The following TNRC6A variants were observed in gnomAD, a reference collection of about 807,000 sequenced individuals.
TNRC6A encodes trinucleotide repeat-containing gene 6A protein.
TNRC6A carries 44 observed loss-of-function variants against 221.2 expected under a neutral mutation model. The observed-to-expected ratio is 0.20, with a 90% CI of 0.16 to 0.26. The LOEUF is 0.26. TNRC6A is among the 10% of genes least tolerant of loss of function. The probability of loss-of-function intolerance (pLI) is 1.00; values close to 1 mark genes in which losing one functional copy is unlikely to be tolerated. For missense variants in TNRC6A, 2,199 were observed against 2,404.4 expected (o/e 0.91, Z 1.79); for synonymous variants, 847 against 838.5 (o/e 1.01, Z -0.18).
chr16:24,645,532 C>T (rs762376402), intron 2 of TNRC6A, among the ~76,000 whole-genome samples: 18 of 151,148 alleles, frequency 1.2e-4, no homozygotes, highest in African/African-American at 3.6e-4. Context: ...TACTTCTGTC[C>T]GAGTTATAGC....
At chr16:24,789,126 A>T in intron 5 of TNRC6A, 106 bp from the exon 6 acceptor site, 4 of 1,134,510 alleles carry the variant, frequency 3.5e-6, no homozygotes, top group Non-Finnish European at 4.9e-6. Flanking sequence ...TGTTAAATTG[A>T]GGAGCCACAT....
chr16:24,797,658 A>G (rs2058247346), intron 10 of TNRC6A, 88 bp downstream of exon 10: 1 of 1,173,294 alleles, frequency 8.5e-7, no homozygotes, highest in South Asian at 1.6e-5. Flanking sequence ...ATTATTTTTC[A>G]TCTTCGAGTC....
intron 9 of TNRC6A, chr16:24,796,245 C>T: frequency 3.1e-6 from 1 of 321,628 alleles, no homozygotes; most frequent in Non-Finnish European, 5.7e-6. Context: ...AGATCTGGCT[C>T]TGTAGTTGAG....
intron 1 of TNRC6A, among the ~76,000 whole-genome samples, chr16:24,621,280 C>G (rs2141598521): frequency 6.7e-6 from 1 of 149,600 alleles, no homozygotes; most frequent in African/African-American, 2.5e-5. Context: ...TTCAAGGGTG[C>G]AGATGGTTCA....
At chr16:24,783,929 G>A (rs1367592960) in intron 5 of TNRC6A, among the ~76,000 whole-genome samples, 1 of 152,154 alleles carries the variant, frequency 6.6e-6, no homozygotes, top group Non-Finnish European at 1.5e-5. Context: ...TTATACCTGA[G>A]GAGTCCTGTT....
At position 24,733,408 on chromosome 16, in the gene TNRC6A, A is replaced by G. The variant is rs116856027; in HGVS notation, c.53+3108A>G. On this transcript the variant is annotated intron_variant, in intron 2 of 24. Transcript: ENST00000395799. ...TTGGCACAAATAATAAATTTAGTTT[A>G]CTATCATAGGTAAACTGTCTTTTAA... Among the ~76,000 whole-genome samples the G allele has an allele frequency of 4.6e-5, 7 of 152,350 alleles. No individual in the cohort carries two copies. In the East Asian group the frequency reaches 1.3e-3, roughly 29 times the overall value.
intron 7 of TNRC6A, among the ~76,000 whole-genome samples, chr16:24,794,093 C>G (rs2058169127): frequency 6.6e-6 from 1 of 152,164 alleles, no homozygotes; most frequent in Admixed American, 6.5e-5. Flanking sequence ...AGGCTGTGTA[C>G]AAGATGCCCG....
chr16:24,641,217 C>T (rs1901934734), intron 2 of TNRC6A, among the ~76,000 whole-genome samples: 2 of 152,182 alleles, frequency 1.3e-5, no homozygotes, highest in African/African-American at 2.4e-5. Context: ...CATCACCCCA[C>T]GTCACCTTCT....
intron 2 of TNRC6A, among the ~76,000 whole-genome samples, chr16:24,660,478 G>A (rs1005323761): frequency 2.6e-5 from 4 of 151,656 alleles, no homozygotes; most frequent in Non-Finnish European, 4.4e-5. Context: ...TAATCCACTC[G>A]TTGATTGATG....
chr16:24,759,249 G>A (rs992412313), intron 4 of TNRC6A, among the ~76,000 whole-genome samples: 11 of 152,046 alleles, frequency 7.2e-5, no homozygotes, highest in African/African-American at 2.7e-4. Flanking sequence ...AGTGGGCAGG[G>A]TTGAGGCTGA....
intron 2 of TNRC6A, among the ~76,000 whole-genome samples, chr16:24,738,166 C>CT (rs753566582): frequency 6.6e-6 from 1 of 152,188 alleles, no homozygotes; most frequent in Non-Finnish European, 1.5e-5. Flanking sequence ...AGCCCAGACT[C>CT]TTGTTTTTTG....
intron 2 of TNRC6A, among the ~76,000 whole-genome samples, chr16:24,642,689 A>G (rs899973597): frequency 2.6e-5 from 4 of 152,044 alleles, no homozygotes; most frequent in Non-Finnish European, 5.9e-5. Context: ...GCATGGTGGC[A>G]CGTGCCTGTA....
At chr16:24,660,739 C>CTTTTTTTTTTTTTTTTTTTTTT (rs58299677) in intron 2 of TNRC6A, among the ~76,000 whole-genome samples, 8 of 91,288 alleles carry the variant, frequency 8.8e-5, no homozygotes, top group Admixed American at 1.4e-4. Flanking sequence ...TTTTTTTTTT[C>CTTTTTTTTTTTTTTTTTTTTTT]TTTTTTTTTT....
chr16:24,713,832 G>A (rs2056258452), intron 2 of TNRC6A, among the ~76,000 whole-genome samples: 1 of 152,182 alleles, frequency 6.6e-6, no homozygotes, highest in African/African-American at 2.4e-5. Flanking sequence ...TTTCAGTAGA[G>A]ATGGGGTTTC....
At chr16:24,740,716 C>A (rs1329429728) in intron 2 of TNRC6A, among the ~76,000 whole-genome samples, 1 of 152,122 alleles carries the variant, frequency 6.6e-6, no homozygotes, top group Non-Finnish European at 1.5e-5. Context: ...TGTCCATTCA[C>A]ATTGTTGTGC....
chr16:24,711,808 A>G (rs2056210831), intron 2 of TNRC6A, among the ~76,000 whole-genome samples: 1 of 151,440 alleles, frequency 6.6e-6, no homozygotes, highest in African/African-American at 2.4e-5. Flanking sequence ...GTTTTTGCAT[A>G]CTTTTTATTT....
Position 24,777,096 on chromosome 16 carries a change from A to G in TNRC6A, c.327A>G (p.Pro109=), listed in dbSNP as rs959049231. The G allele has an allele frequency of 9.0e-6, 13 of 1,445,108 alleles. No individual in the cohort carries two copies. The highest frequency in any genetic ancestry group is 3.8e-4 in the Middle Eastern group (2 of 5,298). 89.5% of individuals were successfully genotyped at this position (1,445,108 alleles called of 1,614,324 possible). A position where few individuals can be genotyped will look rare whatever the true frequency, so the allele number is the denominator to read the frequency against. Residue 109 remains proline, a synonymous_variant, in exon 5 of 25, where the codon CCA becomes CCG. Coordinates refer to ENST00000395799, the MANE Select transcript of TNRC6A (RefSeq NM_014494.4). Reference sequence around the variant, plus strand: ...AGCAGCAGCCGCAGCAGCAGCAGCCACAGCAGCAGCCACAGCCGCAGCCGC... The same window carrying G: ...AGCAGCAGCCGCAGCAGCAGCAGCCGCAGCAGCAGCCACAGCCGCAGCCGC... The part of the protein sequence containing the change: ...QQQQQPQQQQ[P]QQQPQPQPQQ...
intron 4 of TNRC6A, chr16:24,776,189 A>T: frequency 1.1e-6 from 1 of 885,132 alleles, no homozygotes; most frequent in Non-Finnish European, 1.4e-6. Context: ...ACACTAGCTT[A>T]AGGCATTTCC....
At chr16:24,645,559 T>C (rs1902234025) in intron 2 of TNRC6A, among the ~76,000 whole-genome samples, 1 of 151,692 alleles carries the variant, frequency 6.6e-6, no homozygotes, top group African/African-American at 2.4e-5. Context: ...CCAATCCTCA[T>C]GTCAACTCAG....
Sources: allele counts gnomAD v4.1 joint callset (sites outside exome capture counted in the v4.1 genomes callset), GRCh38; gene constraint gnomAD v4.1.1; transcripts MANE v1.5; gene names NCBI Gene and HGNC (gene_info 2026-07-23, HGNC 2026-07-21).